Variants in FOXR1 observed in about 807,000 individuals in gnomAD.
The protein encoded by FOXR1 is forkhead box protein R1.
Under a neutral mutation model 34.5 loss-of-function variants are expected in FOXR1, and 25 were observed. The ratio of observed to expected loss-of-function variants is 0.72; its 90% confidence interval spans 0.53 to 1.01. The LOEUF (loss-of-function observed/expected upper bound fraction) is 1.01. Ranked by LOEUF, FOXR1 falls within the 50% of genes least tolerant of loss-of-function variation. The pLI is 0.00. For synonymous variants in FOXR1, 153 were observed against 141.6 expected (o/e 1.08, Z -0.57); for missense variants, 373 against 376.2 (o/e 0.99, Z 0.07).
At chr11:118,979,253 C>T (rs782805649) in intron 3 of FOXR1, 49 bp downstream of exon 3, 2 of 1,504,582 alleles carry the variant, frequency 1.3e-6, no homozygotes, top group South Asian at 2.7e-5. Context: ...AGGCGAGGGG[C>T]ATGGGGAAGA....
At chr11:118,977,357 T>A (rs116509066) in intron 1 of FOXR1, among the ~76,000 whole-genome samples, 1 of 152,140 alleles carries the variant, frequency 6.6e-6, no homozygotes, top group African/African-American at 2.4e-5. Flanking sequence ...TGCTATAATA[T>A]GTGCATAAAA....
Position 118,980,645 on chromosome 11 carries a change from A to T in FOXR1, c.767A>T (p.Glu256Val), listed in dbSNP as rs1941848012. 2.5e-6 allele frequency: 4 copies of T among 1,614,072 alleles called. No individual in the cohort carries two copies. The East Asian group carries it at 8.9e-5, about 36-fold the overall frequency. ...PRSCLWKLTE[E>V]GHRRFAEEAR... ...TCTTGCCTCTGGAAGTTGACCGAGG[A>T]GGGACACCGCCGCTTTGCGGAGGAG... is the stretch of plus-strand genomic sequence containing the variant. The change falls in exon 5 of 6, where the codon GAG becomes GTG. Residue 256 changes from glutamate (E) to valine (V), a missense_variant. Coordinates refer to ENST00000317011, the MANE Select transcript of FOXR1 (RefSeq NM_181721.3).
At chr11:118,972,184 A>C (rs1385447882) in intron 1 of FOXR1, among the ~76,000 whole-genome samples, 192 bp downstream of exon 1, 1 of 141,748 alleles carries the variant, frequency 7.1e-6, no homozygotes, top group Non-Finnish European at 1.5e-5. Flanking sequence ...CCACTCGCGA[A>C]CTCTACTCGG....
chr11:118,971,880 C>G lies in FOXR1; in HGVS notation c.-52C>G. 6.5e-7 allele frequency: 1 copy of G among 1,542,106 alleles called. No homozygotes were observed. The highest frequency in any genetic ancestry group is 8.8e-7 in the Non-Finnish European group (1 of 1,138,948). On this transcript the variant is annotated 5_prime_UTR_variant, in exon 1 of 6. Transcript: ENST00000317011. ...AGGTGGACGTGAAGCTCCAACACCTCGACTTCTGGGCCCGCCTCCATGGCC... is the reference window on the plus strand; with the variant it reads ...AGGTGGACGTGAAGCTCCAACACCTGGACTTCTGGGCCCGCCTCCATGGCC...
Position 118,981,251 on chromosome 11 carries a change from A to G in FOXR1, c.*15A>G. On this transcript the variant is annotated 3_prime_UTR_variant, in exon 6 of 6. Coordinates refer to ENST00000317011, the MANE Select transcript of FOXR1 (RefSeq NM_181721.3). ...TTGATCTTTAACCCCAAGAAGCAAC[A>G]GCCAGCTAATGCTTTATTAAAATTA... The G allele has an allele frequency of 1.2e-6, 2 of 1,613,678 alleles. No homozygotes were observed. Among genetic ancestry groups the G allele is most frequent in the Non-Finnish European group, 1.7e-6 (2 of 1,179,612 alleles).
intron 1 of FOXR1, among the ~76,000 whole-genome samples, chr11:118,977,053 C>T (rs1339278038): frequency 1.3e-5 from 2 of 151,988 alleles, no homozygotes; most frequent in African/African-American, 4.8e-5. Flanking sequence ...TTTTTTGAGA[C>T]AGAGTCTTGC....
intron 1 of FOXR1, among the ~76,000 whole-genome samples, chr11:118,975,912 A>T (rs1346537327): frequency 6.6e-6 from 1 of 152,210 alleles, no homozygotes; most frequent in Non-Finnish European, 1.5e-5. Flanking sequence ...TCCCTGGATC[A>T]TCTGTGGCTT....
chr11:118,979,823 TTTGTGCCCACA>T (rs1444028246), intron 4 of FOXR1, among the ~76,000 whole-genome samples, 155 bp downstream of exon 4: 4 of 152,334 alleles, frequency 2.6e-5, no homozygotes, highest in East Asian at 1.9e-4. Context: ...CCCAGGTGCA[TTTGTGCCCACA>T]TTGTGCCCAC....
In FOXR1 at chr11:118,971,818, TCCCCACTCCGCGC is replaced by T. The variant is rs1364459374; in HGVS notation, c.-112_-100del. 2.6e-6 allele frequency: 3 copies of T among 1,162,042 alleles called. No homozygotes were observed. The African/African-American group carries it at 4.6e-5, about 18-fold the overall frequency. 72.0% of individuals were successfully genotyped at this position (1,162,042 alleles called of 1,614,324 possible). ...TCAGCCGCCGCGCTCCCACTCCGCGTCCCCACTCCGCGCCGCCGCGCCTCTGCCAGCCCCGAAG... is the reference window on the plus strand; with the variant it reads ...TCAGCCGCCGCGCTCCCACTCCGCGTCGCCGCGCCTCTGCCAGCCCCGAAG... On this transcript the variant is annotated 5_prime_UTR_variant, in exon 1 of 6. Coordinates refer to ENST00000317011, the MANE Select transcript of FOXR1 (RefSeq NM_181721.3).
chr11:118,976,488 C>T (rs1002711784), intron 1 of FOXR1, among the ~76,000 whole-genome samples: 4 of 152,356 alleles, frequency 2.6e-5, no homozygotes, highest in Non-Finnish European at 5.9e-5. Flanking sequence ...AGGCATGAGC[C>T]GCTGCACCTG....
chr11:118,974,231 G>C (rs577169437), intron 1 of FOXR1, among the ~76,000 whole-genome samples: 1 of 152,186 alleles, frequency 6.6e-6, no homozygotes, highest in African/African-American at 2.4e-5. Flanking sequence ...AGGATTGATT[G>C]TAAGGTTTTG....
intron 1 of FOXR1, among the ~76,000 whole-genome samples, chr11:118,977,334 A>C (rs1941791264): frequency 6.6e-6 from 1 of 152,124 alleles, no homozygotes; most frequent in Non-Finnish European, 1.5e-5. Context: ...ACCTGGCCAA[A>C]CTTTAATTTT....
At position 118,980,598 on chromosome 11, in the gene FOXR1, C is replaced by CG. The variant is rs1247413427; in HGVS notation, c.724dup (p.Ala242GlyfsTer50). ...AGAAAGTGCCTGTCAGCATGCAGGG[C>CG]GGGGCCAGCACACGGCCTCGATCTT... On this transcript the variant is annotated frameshift_variant, in exon 5 of 6. Transcript: ENST00000317011. LOFTEE classifies it high-confidence loss of function. The CG allele has an allele frequency of 8.7e-6, 14 of 1,614,254 alleles. No homozygotes were observed. The highest frequency in any genetic ancestry group is 1.2e-5 in the Non-Finnish European group (14 of 1,180,048).
intron 1 of FOXR1, among the ~76,000 whole-genome samples, chr11:118,973,258 C>G (rs577111482): frequency 6.6e-6 from 1 of 152,092 alleles, no homozygotes; most frequent in African/African-American, 2.4e-5. Flanking sequence ...AGACAAGGAA[C>G]CTTACATTCT....
intron 1 of FOXR1, among the ~76,000 whole-genome samples, chr11:118,972,246 G>A (rs1025765715): frequency 1.3e-5 from 2 of 151,750 alleles, no homozygotes; most frequent in African/African-American, 4.8e-5. Flanking sequence ...GGAAGCTCCC[G>A]GAGGACAGCT....
intron 1 of FOXR1, among the ~76,000 whole-genome samples, chr11:118,976,192 C>A (rs1941777473): frequency 6.8e-6 from 1 of 147,158 alleles, no homozygotes; most frequent in Non-Finnish European, 1.5e-5. Flanking sequence ...CAATAAATAG[C>A]AAAGATCATG....
Position 118,971,831 on chromosome 11 carries a change from C to G in FOXR1, c.-101C>G. ...TCCCACTCCGCGTCCCCACTCCGCGCCGCCGCGCCTCTGCCAGCCCCGAAG... is the reference window on the plus strand; with the variant it reads ...TCCCACTCCGCGTCCCCACTCCGCGGCGCCGCGCCTCTGCCAGCCCCGAAG... On this transcript the variant is annotated 5_prime_UTR_variant, in exon 1 of 6. Transcript: ENST00000317011. 1 of 1,335,750 alleles carries G rather than the reference C, an allele frequency of 7.5e-7. No homozygotes were observed. The highest frequency in any genetic ancestry group is 2.5e-5 in the East Asian group (1 of 39,746). 82.7% of individuals were successfully genotyped at this position (1,335,750 alleles called of 1,614,324 possible).
At chr11:118,980,254 G>C (rs1404289065) in intron 4 of FOXR1, 7 of 678,676 alleles carry the variant, frequency 1.0e-5, no homozygotes, top group Non-Finnish European at 1.9e-5. Context: ...ATTCTGCTTT[G>C]TTCATGCTGT....
intron 1 of FOXR1, among the ~76,000 whole-genome samples, chr11:118,974,312 C>T (rs889137117): frequency 1.1e-4 from 16 of 152,238 alleles, no homozygotes; most frequent in Non-Finnish European, 2.1e-4. Flanking sequence ...TCAAGCAATG[C>T]TCCCACCTCA....
Sources: gnomAD v4.1 joint callset for allele counts (sites outside exome capture counted in the v4.1 genomes callset) on GRCh38, gnomAD v4.1.1 for gene constraint, MANE v1.5 for transcripts, NCBI Gene and HGNC (gene_info 2026-07-23, HGNC 2026-07-21) for gene names.